TIAM1: variants seen among roughly 807,000 people sequenced by gnomAD.
The protein encoded by TIAM1 is rho guanine nucleotide exchange factor TIAM1.
A neutral mutation model predicts 163.5 loss-of-function variants in TIAM1; 65 were observed. The observed-to-expected ratio is 0.40, with a 90% CI of 0.33 to 0.49. The LOEUF (loss-of-function observed/expected upper bound fraction) is 0.49. Among genes scored for constraint, TIAM1 ranks in the 20% least tolerant of loss-of-function variants. The probability of loss-of-function intolerance (pLI) is 0.77; values close to 1 mark genes in which losing one functional copy is unlikely to be tolerated. For missense variants in TIAM1, 1,789 were observed against 2,044.7 expected, an observed-to-expected ratio of 0.87 and a Z score of 2.41; for synonymous variants, 833 against 810.1, an observed-to-expected ratio of 1.03 and a Z score of -0.48.
intron 25 of TIAM1, 135 bp downstream of exon 25, chr21:31,130,078 A>T: frequency 1.5e-6 from 1 of 662,480 alleles, no homozygotes; most frequent in Non-Finnish European, 2.6e-6. Flanking sequence ...ACCGAGAGAC[A>T]AGAGAGTTAA....
chr21:31,414,040 C>T (rs2043294763), intron 2 of TIAM1, among the ~76,000 whole-genome samples: 1 of 152,196 alleles, frequency 6.6e-6, no homozygotes, highest in Admixed American at 6.5e-5. Context: ...TAAAAGGAGA[C>T]TTAGGATTTG....
At chr21:31,276,106 C>T (rs150154089) in intron 3 of TIAM1, among the ~76,000 whole-genome samples, 250 of 151,928 alleles carry the variant, frequency 1.6e-3, no homozygotes, top group African/African-American at 5.5e-3. Flanking sequence ...GGTTTCAAGC[C>T]TGTTTTTTCC....
intron 2 of TIAM1, among the ~76,000 whole-genome samples, chr21:31,295,333 G>A (rs775748714): frequency 5.3e-5 from 8 of 152,060 alleles, no homozygotes; most frequent in African/African-American, 1.9e-4. Context: ...AGTTGGGCGT[G>A]GTGGCAGGCA....
intron 27 of TIAM1, among the ~76,000 whole-genome samples, chr21:31,122,361 C>A (rs563322549): frequency 6.6e-6 from 1 of 152,304 alleles, no homozygotes; most frequent in East Asian, 1.9e-4. Flanking sequence ...TACAGCATCC[C>A]TCTCTCCAAT....
chr21:31,530,245 T>G (rs2047929044), intron 1 of TIAM1, among the ~76,000 whole-genome samples: 1 of 152,254 alleles, frequency 6.6e-6, no homozygotes, highest in Non-Finnish European at 1.5e-5. Context: ...TCGATCTACC[T>G]GAAAGTTTGC....
chr21:31,388,895 G>A (rs1047404322), intron 2 of TIAM1, among the ~76,000 whole-genome samples: 2 of 152,212 alleles, frequency 1.3e-5, no homozygotes, highest in Admixed American at 1.3e-4. Flanking sequence ...AAGACAAGGG[G>A]AAAGAAGGGG....
At chr21:31,193,153 C>T (rs901045411) in intron 13 of TIAM1, among the ~76,000 whole-genome samples, 15 of 152,152 alleles carry the variant, frequency 9.9e-5, no homozygotes, top group Admixed American at 4.6e-4. Flanking sequence ...TATTTAACTC[C>T]GCCAGAATGT....
chr21:31,224,827 G>T (rs1435876409), intron 7 of TIAM1, among the ~76,000 whole-genome samples: 1 of 152,172 alleles, frequency 6.6e-6, no homozygotes, highest in Non-Finnish European at 1.5e-5. Context: ...ATTTATTCAT[G>T]TAATTATTTC....
intron 2 of TIAM1, among the ~76,000 whole-genome samples, chr21:31,377,362 G>A (rs2076705317): frequency 6.6e-6 from 1 of 152,116 alleles, no homozygotes; most frequent in East Asian, 1.9e-4. Flanking sequence ...ACCCTTGGCA[G>A]GGTTTCCTGT....
chr21:31,191,049 A>C (rs940509642), intron 13 of TIAM1, among the ~76,000 whole-genome samples: 1 of 152,198 alleles, frequency 6.6e-6, no homozygotes, highest in Non-Finnish European at 1.5e-5. Flanking sequence ...GACTGGGGGA[A>C]TGTTTCACCT....
intron 4 of TIAM1, among the ~76,000 whole-genome samples, chr21:31,261,428 T>G (rs2072468587): frequency 6.6e-6 from 1 of 152,146 alleles, no homozygotes; most frequent in Non-Finnish European, 1.5e-5. Flanking sequence ...ACTTGGATTT[T>G]TGGCCGGGTG....
intron 2 of TIAM1, among the ~76,000 whole-genome samples, chr21:31,307,048 C>CAAAACA (rs2074741015): frequency 6.6e-6 from 1 of 152,156 alleles, no homozygotes; most frequent in Admixed American, 6.5e-5. Flanking sequence ...GTGTCAATTT[C>CAAAACA]AAAACAAAAA....
intron 12 of TIAM1, among the ~76,000 whole-genome samples, chr21:31,196,008 T>C (rs1466086145): frequency 6.6e-6 from 1 of 152,098 alleles, no homozygotes; most frequent in Non-Finnish European, 1.5e-5. Flanking sequence ...GAGAAAATAT[T>C]TCCAAACTGT....
chr21:31,176,905 A>G (rs2084790706), intron 15 of TIAM1, among the ~76,000 whole-genome samples: 1 of 152,100 alleles, frequency 6.6e-6, no homozygotes, highest in Non-Finnish European at 1.5e-5. Flanking sequence ...GAGCTCTGAA[A>G]AAGGGCCCAG....
At chr21:31,127,193 A>T in intron 25 of TIAM1, 41 bp from the exon 26 acceptor site, 1 of 1,588,058 alleles carries the variant, frequency 6.3e-7, no homozygotes, top group South Asian at 1.1e-5. Context: ...GTATGTTTCA[A>T]GTGGATTTAT....
intron 8 of TIAM1, among the ~76,000 whole-genome samples, chr21:31,222,703 ATATATTTTTTTTTT>A (rs1203282952): frequency 0.011 from 464 of 42,962 alleles, no homozygotes; most frequent in Non-Finnish European, 0.013. Context: ...ATATATATAT[ATATATTTTTTTTTT>A]TTTTTTTTTT....
chr21:31,213,095 A>G lies in TIAM1; in HGVS notation c.2217+303T>C, dbSNP rs908169551. ...AGTTGTACATGGAAAGAAATTGGCAATGGCATAAAATATTCAGCTATTCAG... is the reference window on the plus strand; with the variant it reads ...AGTTGTACATGGAAAGAAATTGGCAGTGGCATAAAATATTCAGCTATTCAG... On this transcript the variant is annotated intron_variant, in intron 10 of 27. Transcript: ENST00000541036. The G allele has an allele frequency of 1.0e-5, 3 of 297,300 alleles. No individual in the cohort carries two copies. In the East Asian group the frequency reaches 2.5e-4, roughly 24 times the overall value. 18.4% of individuals were successfully genotyped at this position (297,300 alleles called of 1,614,324 possible). A position where few individuals can be genotyped will look rare whatever the true frequency, so the allele number is the denominator to read the frequency against.
At chr21:31,298,771 A>T (rs1242785591) in intron 2 of TIAM1, among the ~76,000 whole-genome samples, 3 of 87,412 alleles carry the variant, frequency 3.4e-5, no homozygotes, top group African/African-American at 1.4e-4. Context: ...TGTGTGTGAG[A>T]AACAGAGAGA....
chr21:31,542,943 G>C (rs1325272798), intron 1 of TIAM1, among the ~76,000 whole-genome samples: 3 of 152,038 alleles, frequency 2.0e-5, no homozygotes, highest in Non-Finnish European at 4.4e-5. Context: ...ACTCCAGCCT[G>C]GGTGACAGAG....
Sources: gnomAD v4.1 joint callset for allele counts (sites outside exome capture counted in the v4.1 genomes callset) on GRCh38, gnomAD v4.1.1 for gene constraint, MANE v1.5 for transcripts, NCBI Gene and HGNC (gene_info 2026-07-23, HGNC 2026-07-21) for gene names.